FSD1L: variants seen among roughly 807,000 people sequenced by gnomAD.
FSD1L encodes fibronectin type III and SPRY domain containing 1 like, also known as FSD1-like protein.
A neutral mutation model predicts 71.6 loss-of-function variants in FSD1L; 45 were observed. That is an observed-to-expected ratio of 0.63 (90% CI 0.49 to 0.81). The LOEUF is 0.81. FSD1L is among the 30% of genes least tolerant of loss of function. The pLI is 0.00. For missense variants in FSD1L, 561 were observed against 618.1 expected, an observed-to-expected ratio of 0.91 and a Z score of 0.98; for synonymous variants, 197 against 207.2, an observed-to-expected ratio of 0.95 and a Z score of 0.42.
In FSD1L at chr9:105,535,232, C is replaced by T. The variant is rs1484933389; in HGVS notation, c.1292C>T (p.Thr431Ile). 1.2e-5 allele frequency: 18 copies of T among 1,551,610 alleles called. No individual in the cohort carries two copies. The Admixed American group carries it at 3.5e-4, about 30-fold the overall frequency. ...CIHVNNWLQN[T>I]FAAKHNNKVK... The stretch of plus-strand genomic sequence containing the variant: ...CATGTCAACAACTGGCTACAAAACA[C>T]ATTTGCAGCAAAGCATAATAATAAA... Residue 431 changes from threonine (T) to isoleucine (I), a missense_variant, in exon 12 of 14, where the codon ACA (threonine) becomes ATA (isoleucine). Thr to Ile is a moderately conservative substitution (Grantham distance 89). Transcript: ENST00000481272.
rs1211408377 is a variant in FSD1L, at chr9:105,522,238, G to T, written c.1025+9302G>T. ...TATTGGGAAGAGTTGGCCACTGAGT[G>T]GTCACTGACTATGGAGACATTAACT... On this transcript the variant is annotated intron_variant, in intron 10 of 13. Transcript: ENST00000481272. 3.7e-6 allele frequency: 6 copies of T among 1,612,846 alleles called. No homozygotes were observed. The Admixed American group carries it at 5.0e-5, about 13-fold the overall frequency.
intron 10 of FSD1L, chr9:105,513,496 T>C (rs10739910): frequency 0.99 from 817,897 of 823,420 alleles, 406,229 homozygotes; most frequent in East Asian, 1. Flanking sequence ...CAGTAATGAA[T>C]CCCCAAAAAT....
intron 7 of FSD1L, among the ~76,000 whole-genome samples, chr9:105,495,865 C>T (rs748687799): frequency 6.6e-6 from 1 of 151,830 alleles, no homozygotes; most frequent in African/African-American, 2.4e-5. Context: ...GTCCCAGCTC[C>T]TCGGGAGGCT....
At position 105,522,247 on chromosome 9, in the gene FSD1L, C is replaced by T. The variant is rs538494594; in HGVS notation, c.1025+9311C>T. On this transcript the variant is annotated intron_variant, in intron 10 of 13. Coordinates refer to ENST00000481272, the MANE Select transcript of FSD1L (RefSeq NM_001145313.3). ...GAGTTGGCCACTGAGTGGTCACTGA[C>T]TATGGAGACATTAACTAAAGTTTTA... The T allele has an allele frequency of 5.1e-5, 82 of 1,612,734 alleles. 1 individual carries two copies. The East Asian group carries it at 1.8e-3, about 35-fold the overall frequency.
At chr9:105,523,275 T>A (rs111861108) in intron 10 of FSD1L, 117 of 1,602,072 alleles carry the variant, frequency 7.3e-5, no homozygotes, top group Non-Finnish European at 9.5e-5. Flanking sequence ...CCCTTCTACA[T>A]TGAATATAGA....
chr9:105,512,135 C>G (rs1191145132), intron 9 of FSD1L, among the ~76,000 whole-genome samples: 6 of 152,028 alleles, frequency 3.9e-5, no homozygotes, highest in Admixed American at 3.9e-4. Context: ...TAAAGCAGTT[C>G]TGAGTAAGTC....
Position 105,501,912 on chromosome 9 carries a change from A to G in FSD1L, c.587-4487A>G, listed in dbSNP as rs75246572. Among the ~76,000 whole-genome samples the G allele has an allele frequency of 9.2e-3, 1,403 of 152,268 alleles. 22 individuals are homozygous for G. Among genetic ancestry groups the G allele is most frequent in the African/African-American group, 0.032 (1,341 of 41,562 alleles). Reference sequence around the variant, plus strand: ...AGTTTTCCAGGTCAGTTAGGTTCCTATCATTCATCCCTTTGTGTTAGTTTT... The same window carrying G: ...AGTTTTCCAGGTCAGTTAGGTTCCTGTCATTCATCCCTTTGTGTTAGTTTT... On this transcript the variant is annotated intron_variant, in intron 7 of 13. Transcript: ENST00000481272.
At chr9:105,505,604 G>A (rs1013884157) in intron 7 of FSD1L, among the ~76,000 whole-genome samples, 17 of 151,998 alleles carry the variant, frequency 1.1e-4, no homozygotes, top group African/African-American at 3.9e-4. Flanking sequence ...TCCACAAAGA[G>A]TTTTATTTTT....
At chr9:105,534,472 T>G (rs748696073) in intron 10 of FSD1L, 21 bp from the exon 11 acceptor site, 1 of 1,360,246 alleles carries the variant, frequency 7.4e-7, no homozygotes, top group South Asian at 1.3e-5. Flanking sequence ...TTGTTTTTCT[T>G]TTTTCTTTTT....
chr9:105,514,305 C>T (rs1834569659), intron 10 of FSD1L, among the ~76,000 whole-genome samples: 1 of 152,180 alleles, frequency 6.6e-6, no homozygotes, highest in African/African-American at 2.4e-5. Flanking sequence ...GAGTAGACTA[C>T]ATATTTATGA....
rs896484646 is a variant in FSD1L, at chr9:105,551,348, A to G, written c.*4865A>G. The G allele has an allele frequency of 6.6e-6, 1 of 152,010 alleles. No individual in the cohort carries two copies. Among genetic ancestry groups the G allele is most frequent in the African/African-American group, 2.4e-5 (1 of 41,398 alleles). 9.4% of individuals were successfully genotyped at this position (152,010 alleles called of 1,614,324 possible). A position where few individuals can be genotyped will look rare whatever the true frequency, so the allele number is the denominator to read the frequency against. On this transcript the variant is annotated 3_prime_UTR_variant, in exon 14 of 14. Coordinates refer to ENST00000481272, the MANE Select transcript of FSD1L (RefSeq NM_001145313.3). ...ATTAATCACCTTAGCTCTACCATAT[A>G]CTAGATCTGTGACCGCTACACAAAT... is the stretch of plus-strand genomic sequence containing the variant.
At chr9:105,526,587 T>G (rs953598853) in intron 10 of FSD1L, among the ~76,000 whole-genome samples, 5 of 152,206 alleles carry the variant, frequency 3.3e-5, no homozygotes, top group African/African-American at 1.2e-4. Context: ...GAACATAGGG[T>G]TAACCCTTTC....
At chr9:105,523,169 T>A (rs1835291661) in intron 10 of FSD1L, 1 of 1,613,794 alleles carries the variant, frequency 6.2e-7, no homozygotes, top group Non-Finnish European at 8.5e-7. Flanking sequence ...GCAGTCTTAA[T>A]CAGCAAGCTT....
At chr9:105,530,854 A>G (rs1835846947) in intron 10 of FSD1L, 1 of 386,766 alleles carries the variant, frequency 2.6e-6, no homozygotes, top group Non-Finnish European at 4.7e-6. Context: ...TCCTTAATTG[A>G]TAGTATCACA....
intron 3 of FSD1L, 149 bp downstream of exon 3, chr9:105,464,480 GC>G: frequency 2.1e-6 from 1 of 473,156 alleles, no homozygotes; most frequent in Non-Finnish European, 3.7e-6. Flanking sequence ...TGTTTTCATT[GC>G]AATTCCTGTT....
Position 105,466,553 on chromosome 9 carries a change from C to T in FSD1L, c.208-1640C>T, listed in dbSNP as rs143713468. ...ACTAAAAATACAAGAATTAGCTGGT[C>T]GTGGTGGCAAGCGCCTGTAATCCCA... On this transcript the variant is annotated intron_variant, in intron 3 of 13. Coordinates refer to ENST00000481272, the MANE Select transcript of FSD1L (RefSeq NM_001145313.3). Among the ~76,000 whole-genome samples, 1,206 of 152,140 alleles carry T rather than the reference C, an allele frequency of 7.9e-3. 10 individuals carry two copies. The highest frequency in any genetic ancestry group is 0.02 in the Middle Eastern group (6 of 294).
chr9:105,533,198 A>C (rs1836009049), intron 10 of FSD1L, among the ~76,000 whole-genome samples: 1 of 152,088 alleles, frequency 6.6e-6, no homozygotes, highest in South Asian at 2.1e-4. Context: ...TAAATGCAGT[A>C]ATTCAATATA....
chr9:105,483,386 A>C (rs534880809), intron 6 of FSD1L, among the ~76,000 whole-genome samples: 2 of 152,180 alleles, frequency 1.3e-5, no homozygotes, highest in South Asian at 2.1e-4. Context: ...TTTGGCAGAT[A>C]CAATTGACTA....
At chr9:105,443,588 C>T (rs1016468602), upstream of FSD1L, among the ~76,000 whole-genome samples, 1 of 152,160 alleles carries the variant, frequency 6.6e-6, no homozygotes, top group African/African-American at 2.4e-5. Flanking sequence ...CTTTGACTTC[C>T]AAGGGGTTGC....
Sources: allele counts gnomAD v4.1 joint callset (sites outside exome capture counted in the v4.1 genomes callset), GRCh38; gene constraint gnomAD v4.1.1; transcripts MANE v1.5; gene names NCBI Gene and HGNC (gene_info 2026-07-23, HGNC 2026-07-21).